The following LMBR1 variants were observed in gnomAD, a reference collection of about 807,000 sequenced individuals.
LMBR1 encodes limb development membrane protein 1.
In LMBR1, 52 loss-of-function variants were observed where a neutral mutation model predicts 73.9. The ratio of observed to expected loss-of-function variants is 0.70; its 90% CI spans 0.56 to 0.89. LMBR1 has a LOEUF of 0.89. Ranked by LOEUF, LMBR1 falls within the 40% of genes least tolerant of loss-of-function variation. The pLI, the probability that LMBR1 is intolerant of heterozygous loss-of-function variation, is 0.00. For missense variants in LMBR1, 539 were observed against 579.8 expected (o/e 0.93, Z 0.72); for synonymous variants, 215 against 209.4 (o/e 1.03, Z -0.23).
At chr7:156,814,899 G>C (rs1372534739) in intron 4 of LMBR1, among the ~76,000 whole-genome samples, 3 of 152,136 alleles carry the variant, frequency 2.0e-5, no homozygotes, top group Non-Finnish European at 4.4e-5. Flanking sequence ...GTTCACACCT[G>C]TAATCCCATC....
chr7:156,704,952 C>T (rs1396725092), intron 15 of LMBR1, among the ~76,000 whole-genome samples: 1 of 151,924 alleles, frequency 6.6e-6, no homozygotes, highest in Non-Finnish European at 1.5e-5. Flanking sequence ...ATGTTTGAGA[C>T]TACATAAAAA....
chr7:156,693,379 T>C (rs985212438), intron 15 of LMBR1, among the ~76,000 whole-genome samples: 6 of 151,994 alleles, frequency 3.9e-5, no homozygotes, highest in African/African-American at 1.4e-4. Flanking sequence ...AGTTGGATTT[T>C]TTAAAAGATA....
At chr7:156,875,129 G>A (rs1365064934) in intron 1 of LMBR1, among the ~76,000 whole-genome samples, 2 of 152,048 alleles carry the variant, frequency 1.3e-5, no homozygotes, top group African/African-American at 4.8e-5. Context: ...AGGAAATAAA[G>A]GACACACTTA....
chr7:156,715,336 C>CA (rs149783926), intron 15 of LMBR1, among the ~76,000 whole-genome samples: 6,066 of 151,742 alleles, frequency 0.04, 161 homozygotes, highest in Non-Finnish European at 0.045. Context: ...GGATATATTC[C>CA]AAAAAAAATC....
chr7:156,720,184 G>C (rs1029473633), intron 15 of LMBR1, among the ~76,000 whole-genome samples: 33 of 151,780 alleles, frequency 2.2e-4, no homozygotes, highest in African/African-American at 7.3e-4. Flanking sequence ...CAAAATGGGA[G>C]AAAATTTTCG....
intron 10 of LMBR1, 97 bp downstream of exon 10, chr7:156,734,080 A>G (rs1817387612): frequency 7.3e-6 from 5 of 688,450 alleles, no homozygotes; most frequent in South Asian, 2.8e-5. Context: ...GTTTTAACAT[A>G]AAGATTTCAT....
At chr7:156,713,036 C>A (rs1812408483) in intron 15 of LMBR1, among the ~76,000 whole-genome samples, 1 of 152,120 alleles carries the variant, frequency 6.6e-6, no homozygotes, top group African/African-American at 2.4e-5. Context: ...TGTGGTATAT[C>A]CAGACAATGG....
At chr7:156,696,601 T>C (rs1808337310) in intron 15 of LMBR1, among the ~76,000 whole-genome samples, 1 of 152,170 alleles carries the variant, frequency 6.6e-6, no homozygotes, top group Non-Finnish European at 1.5e-5. Flanking sequence ...AATGGAAGCT[T>C]GTGCTGGGAA....
At chr7:156,709,796 G>A (rs543083959) in intron 15 of LMBR1, among the ~76,000 whole-genome samples, 43 of 151,920 alleles carry the variant, frequency 2.8e-4, no homozygotes, top group African/African-American at 3.6e-4. Flanking sequence ...ATAAAAAACC[G>A]GGTTCTATAA....
At chr7:156,832,912 A>C (rs1836937855) in intron 3 of LMBR1, among the ~76,000 whole-genome samples, 1 of 152,180 alleles carries the variant, frequency 6.6e-6, no homozygotes, top group South Asian at 2.1e-4. Flanking sequence ...GCAATGTGTG[A>C]TTCTGAACTG....
intron 16 of LMBR1, among the ~76,000 whole-genome samples, chr7:156,684,669 C>T (rs1374702478): frequency 6.6e-6 from 1 of 152,206 alleles, no homozygotes; most frequent in Non-Finnish European, 1.5e-5. Flanking sequence ...AAAATGCACA[C>T]ACACAGGCTG....
intron 15 of LMBR1, among the ~76,000 whole-genome samples, chr7:156,709,896 A>ATTTTTTT (rs34487923): frequency 7.7e-5 from 7 of 90,356 alleles, no homozygotes; most frequent in African/African-American, 2.9e-4. Flanking sequence ...CAGAAGGTTG[A>ATTTTTTT]TTTTTTTTTT....
chr7:156,802,138 G>A (rs1002147562), intron 4 of LMBR1, among the ~76,000 whole-genome samples: 1 of 152,082 alleles, frequency 6.6e-6, no homozygotes, highest in Non-Finnish European at 1.5e-5. Flanking sequence ...ACGCGCCACT[G>A]CGCCAGGCTA....
intron 9 of LMBR1, among the ~76,000 whole-genome samples, chr7:156,735,613 G>T (rs1451832523): frequency 6.7e-6 from 1 of 150,110 alleles, no homozygotes; most frequent in Non-Finnish European, 1.5e-5. Context: ...GTTTGCTAGG[G>T]TTTTTTTGTT....
chr7:156,827,226 A>G (rs944806717), intron 3 of LMBR1, among the ~76,000 whole-genome samples: 7 of 152,164 alleles, frequency 4.6e-5, no homozygotes, highest in African/African-American at 1.7e-4. Context: ...CATTGGCCTG[A>G]CATCTTTTTA....
intron 5 of LMBR1, among the ~76,000 whole-genome samples, chr7:156,796,136 G>T (rs1437100626): frequency 6.6e-6 from 1 of 151,986 alleles, no homozygotes; most frequent in African/African-American, 2.4e-5. Flanking sequence ...ATTATATCAG[G>T]TTTATCCATT....
At chr7:156,733,431 G>A (rs772548764) in intron 10 of LMBR1, among the ~76,000 whole-genome samples, 1 of 151,998 alleles carries the variant, frequency 6.6e-6, no homozygotes, top group African/African-American at 2.4e-5. Context: ...GATTGAACGT[G>A]TTAGAGACAT....
At chr7:156,886,602 T>C (rs1447943604) in intron 1 of LMBR1, among the ~76,000 whole-genome samples, 1 of 152,184 alleles carries the variant, frequency 6.6e-6, no homozygotes, top group African/African-American at 2.4e-5. Context: ...GCTATAGTTA[T>C]GGCTTGTGGA....
At chr7:156,676,695 A>T, downstream of LMBR1, 1 of 1,509,408 alleles carries the variant, frequency 6.6e-7, no homozygotes, top group Non-Finnish European at 9.2e-7. Context: ...TGAGGAAAAA[A>T]GTTTACCATC....
Sources: gnomAD v4.1 joint callset for allele counts (sites outside exome capture counted in the v4.1 genomes callset) on GRCh38, gnomAD v4.1.1 for gene constraint, MANE v1.5 for transcripts, NCBI Gene and HGNC (gene_info 2026-07-23, HGNC 2026-07-21) for gene names.